The following CPM variants were observed in gnomAD, a reference collection of about 807,000 sequenced individuals.
CPM encodes the protein carboxypeptidase M, also known as renal carboxypeptidase.
Under a neutral mutation model 46.4 loss-of-function variants are expected in CPM, and 35 were observed. The ratio of observed to expected loss-of-function variants is 0.75; its 90% CI spans 0.58 to 1.00. CPM has a LOEUF of 1.00. Among genes scored for constraint, CPM ranks in the 50% least tolerant of loss-of-function variants. The pLI is 0.00. For missense variants in CPM, 422 were observed against 530.4 expected, an observed-to-expected ratio of 0.80 and a Z score of 2.01; for synonymous variants, 195 against 195.3, an observed-to-expected ratio of 1.00 and a Z score of 0.01.
intron 2 of CPM, among the ~76,000 whole-genome samples, chr12:68,891,987 T>C (rs1886673942): frequency 6.6e-6 from 1 of 152,192 alleles, no homozygotes; most frequent in Non-Finnish European, 1.5e-5. Context: ...TCTGCCCACC[T>C]TGGCCTCCCA....
intron 7 of CPM, among the ~76,000 whole-genome samples, chr12:68,861,361 T>G (rs1417533764): frequency 6.6e-6 from 1 of 152,232 alleles, no homozygotes; most frequent in Non-Finnish European, 1.5e-5. Flanking sequence ...GTTTACAGTC[T>G]TCATGCCACT....
intron 2 of CPM, among the ~76,000 whole-genome samples, chr12:68,898,029 T>C (rs1221912986): frequency 6.6e-6 from 1 of 151,538 alleles, no homozygotes; most frequent in Non-Finnish European, 1.5e-5. Context: ...TTTTTTTTTT[T>C]TTTTTGTAGA....
intron 1 of CPM, chr12:68,963,164 C>A (rs1017863907): frequency 9.2e-5 from 15 of 162,784 alleles, no homozygotes; most frequent in African/African-American, 3.6e-4. Flanking sequence ...AATGATCGGA[C>A]CTACCTTGTT....
At chr12:68,927,814 G>A (rs1429436800) in intron 2 of CPM, among the ~76,000 whole-genome samples, 2 of 152,124 alleles carry the variant, frequency 1.3e-5, no homozygotes, top group East Asian at 3.8e-4. Context: ...ACTTACAAGG[G>A]ACATGAAGGG....
At chr12:68,860,635 C>G (rs1382227509) in intron 7 of CPM, among the ~76,000 whole-genome samples, 1 of 151,992 alleles carries the variant, frequency 6.6e-6, no homozygotes, top group African/African-American at 2.4e-5. Flanking sequence ...ACTGTGCCCC[C>G]CTTAGGAGGT....
intron 2 of CPM, among the ~76,000 whole-genome samples, chr12:68,886,295 T>C (rs1293313409): frequency 6.8e-6 from 1 of 147,390 alleles, no homozygotes; most frequent in Non-Finnish European, 1.5e-5. Flanking sequence ...TGGGAGGGTG[T>C]CATAACTCGC....
intron 2 of CPM, among the ~76,000 whole-genome samples, chr12:68,898,362 G>A (rs1186190772): frequency 1.3e-5 from 2 of 152,108 alleles, no homozygotes; most frequent in Non-Finnish European, 2.9e-5. Context: ...AAGCTACTGT[G>A]GAGAAGAAAG....
At chr12:68,892,865 G>C (rs577437022) in intron 2 of CPM, among the ~76,000 whole-genome samples, 1 of 151,870 alleles carries the variant, frequency 6.6e-6, no homozygotes, top group East Asian at 1.9e-4. Context: ...AAAACAAACC[G>C]AAAAGAAAGT....
At chr12:68,868,921 T>C (rs1343838874) in intron 6 of CPM, among the ~76,000 whole-genome samples, 1 of 152,162 alleles carries the variant, frequency 6.6e-6, no homozygotes, top group Non-Finnish European at 1.5e-5. Flanking sequence ...TACTCCCTAT[T>C]GTATTTTGGC....
intron 1 of CPM, among the ~76,000 whole-genome samples, chr12:68,960,847 A>G (rs976149311): frequency 2.6e-5 from 4 of 152,198 alleles, no homozygotes; most frequent in African/African-American, 9.7e-5. Flanking sequence ...TGAATTAACG[A>G]TTCTGCACCT....
In CPM at chr12:68,930,887, C is replaced by T. The variant is rs148521867; in HGVS notation, c.160+1791G>A. Among the ~76,000 whole-genome samples, 21 of 152,320 alleles carry T rather than the reference C, an allele frequency of 1.4e-4. No individual in the cohort carries two copies. The East Asian group carries it at 4.0e-3, about 29-fold the overall frequency. ...TAGTACTTAAAATTAACAACATCCT[C>T]ATCATCTTGTGGTTGAAATGATGAC... On this transcript the variant is annotated intron_variant, in intron 2 of 8. Coordinates refer to ENST00000551568, the MANE Select transcript of CPM (RefSeq NM_198320.5).
At chr12:68,845,074 G>C (rs139528097) in intron 5 of CPM, 3 of 216,344 alleles carry the variant, frequency 1.4e-5, no homozygotes, top group African/African-American at 6.8e-5. Flanking sequence ...AGCCTAATAA[G>C]GGTTTTAAAG....
intron 1 of CPM, among the ~76,000 whole-genome samples, chr12:68,944,857 G>C (rs1144964): frequency 0.43 from 65,016 of 151,712 alleles, 14,726 homozygotes; most frequent in African/African-American, 0.59. Flanking sequence ...CTAGGTAATG[G>C]GTACTGCTGA....
At chr12:68,919,561 G>A (rs956269970) in intron 2 of CPM, among the ~76,000 whole-genome samples, 2 of 152,196 alleles carry the variant, frequency 1.3e-5, no homozygotes, top group Admixed American at 1.3e-4. Flanking sequence ...GACTGACATG[G>A]TGTTATGCTA....
intron 1 of CPM, among the ~76,000 whole-genome samples, chr12:68,949,465 A>G (rs1263541594): frequency 6.6e-6 from 1 of 152,210 alleles, no homozygotes; most frequent in Non-Finnish European, 1.5e-5. Context: ...TTTGGTGTTT[A>G]AAGTTGTAAT....
At chr12:68,859,817 A>G (rs927264075) in intron 7 of CPM, among the ~76,000 whole-genome samples, 12 of 152,296 alleles carry the variant, frequency 7.9e-5, no homozygotes, top group African/African-American at 2.9e-4. Context: ...AAATTTCAGG[A>G]GTACAATTTT....
intron 2 of CPM, 131 bp from the exon 3 acceptor site, chr12:68,886,020 T>C (rs994438566): frequency 1.5e-6 from 1 of 668,822 alleles, no homozygotes; most frequent in African/African-American, 1.8e-5. Flanking sequence ...CTTAAGTTTG[T>C]ATGACTAACA....
rs73146658 is a variant in CPM at position 68,913,750 on chromosome 12, G to A, written c.160+18928C>T. Reference sequence around the variant, plus strand: ...CTTCAGGCTACTCACTGCTGGTAGTGGAACCTTTATTCCTATAAAATCCCA... The same window carrying A: ...CTTCAGGCTACTCACTGCTGGTAGTAGAACCTTTATTCCTATAAAATCCCA... On this transcript the variant is annotated intron_variant, in intron 2 of 8. Coordinates refer to ENST00000551568, the MANE Select transcript of CPM (RefSeq NM_198320.5). The A allele has an allele frequency of 8.9e-3, 4,070 of 457,386 alleles. 29 individuals are homozygous for A. Among genetic ancestry groups the A allele is most frequent in the Middle Eastern group, 0.019 (28 of 1,468 alleles). 28.3% of individuals were successfully genotyped at this position (457,386 alleles called of 1,614,324 possible). A position where few individuals can be genotyped will look rare whatever the true frequency, so the allele number is the denominator to read the frequency against.
intron 2 of CPM, among the ~76,000 whole-genome samples, chr12:68,927,402 G>A (rs1482408202): frequency 2.6e-5 from 4 of 152,120 alleles, no homozygotes; most frequent in Non-Finnish European, 5.9e-5. Flanking sequence ...CCCACTTCTC[G>A]ATGGGGTTGT....
Sources: allele counts gnomAD v4.1 joint callset (sites outside exome capture counted in the v4.1 genomes callset), GRCh38; gene constraint gnomAD v4.1.1; transcripts MANE v1.5; gene names NCBI Gene and HGNC (gene_info 2026-07-23, HGNC 2026-07-21).